The following RAB3GAP1 variants were observed in gnomAD, a reference collection of about 807,000 sequenced individuals.
The protein encoded by RAB3GAP1 is RAB3 GTPase activating protein catalytic subunit 1.
RAB3GAP1 carries 86 observed loss-of-function variants against 130.7 expected under a neutral mutation model. That is an observed-to-expected ratio of 0.66 (90% CI 0.55 to 0.79). The LOEUF (loss-of-function observed/expected upper bound fraction) is 0.79. Among genes scored for constraint, RAB3GAP1 ranks in the 30% least tolerant of loss-of-function variants. RAB3GAP1 has a pLI of 0.00. For missense variants in RAB3GAP1, 1,029 were observed against 1,169.4 expected (o/e 0.88, Z 1.75); for synonymous variants, 367 against 401.7 (o/e 0.91, Z 1.03).
chr2:135,152,432 G>A (rs1692202816), intron 18 of RAB3GAP1, among the ~76,000 whole-genome samples: 1 of 152,242 alleles, frequency 6.6e-6, no homozygotes, highest in Non-Finnish European at 1.5e-5. Flanking sequence ...AATCTATAGT[G>A]TATGAGTGAA....
chr2:135,061,366 T>A (rs899751508), intron 3 of RAB3GAP1, among the ~76,000 whole-genome samples: 4 of 152,220 alleles, frequency 2.6e-5, no homozygotes, highest in African/African-American at 9.6e-5. Context: ...TAGAGCTTTT[T>A]GTACTGTTTT....
intron 11 of RAB3GAP1, among the ~76,000 whole-genome samples, chr2:135,127,980 TTA>T (rs1209386190): frequency 6.6e-6 from 1 of 152,198 alleles, no homozygotes. Context: ...CTCCTTTTCT[TTA>T]TGTTCATCCA....
chr2:135,169,505 G>A lies in RAB3GAP1; in HGVS notation c.*724G>A, dbSNP rs1692780412. On this transcript the variant is annotated 3_prime_UTR_variant, in exon 24 of 24. Transcript: ENST00000264158. ...ACTTATTTTTCTTTTGGTTGCCATG[G>A]AAGTTATGGCCCTGAAAATCGTCTC... 4 of 180,540 alleles carry A rather than the reference G, an allele frequency of 2.2e-5. No homozygotes were observed. The highest frequency in any genetic ancestry group is 9.6e-5 in the African/African-American group (4 of 41,774). The allele number at this position is 180,540 out of a possible 1,614,324, so 11.2% of individuals were successfully genotyped here.
intron 19 of RAB3GAP1, 59 bp downstream of exon 19, chr2:135,153,935 A>T: frequency 6.7e-7 from 1 of 1,502,798 alleles, no homozygotes; most frequent in Non-Finnish European, 9.2e-7. Context: ...ATGATTTAGG[A>T]ACTCACTGTC....
Position 135,091,198 on chromosome 2 carries a change from A to G in RAB3GAP1, c.283+68A>G, listed in dbSNP as rs1690132943. 3.5e-6 allele frequency: 5 copies of G among 1,421,022 alleles called. No individual in the cohort carries two copies. In the Admixed American group the frequency reaches 9.0e-5, roughly 26 times the overall value. The allele number at this position is 1,421,022 out of a possible 1,614,324, so 88.0% of individuals were successfully genotyped here. Reference sequence around the variant, plus strand: ...GAGTGGCTGTAATTTTGAATTATTAATTTAGTGTTCTTCCATAGTGTCAGT... The same window carrying G: ...GAGTGGCTGTAATTTTGAATTATTAGTTTAGTGTTCTTCCATAGTGTCAGT... On this transcript the variant is annotated intron_variant, in intron 4 of 23. Transcript: ENST00000264158.
chr2:135,109,594 T>C lies in RAB3GAP1; in HGVS notation c.363-3557T>C, dbSNP rs868567893. On this transcript the variant is annotated intron_variant, in intron 5 of 23. Transcript: ENST00000264158. ...AAAAATTTTTTTTTTTTTTAATTTT[T>C]TATTAAGAGACAGGGCCTTGCTCTG... 2.6e-5 allele frequency among the ~76,000 whole-genome samples: 4 copies of C among 152,040 alleles called. No homozygotes were observed. In the South Asian group the frequency reaches 8.3e-4, roughly 32 times the overall value.
chr2:135,117,717 T>TCTG (rs201380282), intron 7 of RAB3GAP1, among the ~76,000 whole-genome samples: 12 of 145,470 alleles, frequency 8.2e-5, no homozygotes, highest in East Asian at 8.0e-4. Context: ...TTCTGCTTCT[T>TCTG]CTTCTGCTTC....
intron 17 of RAB3GAP1, among the ~76,000 whole-genome samples, chr2:135,143,881 T>G (rs1691919288): frequency 1.3e-5 from 2 of 152,244 alleles, no homozygotes; most frequent in African/African-American, 4.8e-5. Flanking sequence ...GTCTCCTTAA[T>G]TTGGGACTCA....
rs751455975 is a variant in RAB3GAP1, at chr2:135,130,687, C to T, written c.1202C>T (p.Pro401Leu). The T allele has an allele frequency of 1.3e-5, 21 of 1,613,502 alleles. No individual in the cohort carries two copies. Among genetic ancestry groups the T allele is most frequent in the South Asian group, 4.4e-5 (4 of 91,062 alleles). ...IRKHRGVEES[P>L]LNNDVLNTIL... Reference sequence around the variant, plus strand: ...AAACACAGAGGTGTAGAGGAGTCACCGCTAAATAATGATGTTCTTAATACT... The same window carrying T: ...AAACACAGAGGTGTAGAGGAGTCACTGCTAAATAATGATGTTCTTAATACT... The change falls in exon 13 of 24, where the codon CCG becomes CTG. Residue 401 changes from proline (P) to leucine (L), a missense_variant. By Grantham distance (98) the Pro-to-Leu change is moderately conservative (BLOSUM62 -3). This residue lies in a region of RAB3GAP1 where 510 missense variants were observed against 532.1 expected (regional missense o/e 0.96). Transcript: ENST00000264158.
At chr2:135,093,535 ATG>A in intron 4 of RAB3GAP1, 78 bp from the exon 5 acceptor site, 1 of 1,025,454 alleles carries the variant, frequency 9.8e-7, no homozygotes, top group Admixed American at 1.7e-5. Flanking sequence ...CTAGCAAGAC[ATG>A]TGTTTCCTCA....
chr2:135,103,728 G>A (rs556264889), intron 5 of RAB3GAP1, among the ~76,000 whole-genome samples: 7 of 152,076 alleles, frequency 4.6e-5, no homozygotes, highest in Non-Finnish European at 1.0e-4. Context: ...CTTTGTTGGC[G>A]GGGGAGGGAA....
At chr2:135,138,209 G>A (rs758596933) in intron 17 of RAB3GAP1, among the ~76,000 whole-genome samples, 2 of 151,354 alleles carry the variant, frequency 1.3e-5, no homozygotes, top group African/African-American at 4.9e-5. Flanking sequence ...TTGGGAGGCC[G>A]AGGTGGGGTT....
chr2:135,147,715 C>T (rs1324480767), intron 17 of RAB3GAP1, among the ~76,000 whole-genome samples: 5 of 150,312 alleles, frequency 3.3e-5, no homozygotes, highest in South Asian at 2.2e-4. Context: ...CAGGCTCAAG[C>T]GGTCCTCCCA....
chr2:135,068,467 AAG>A (rs1689383437), intron 3 of RAB3GAP1, among the ~76,000 whole-genome samples: 1 of 151,934 alleles, frequency 6.6e-6, no homozygotes, highest in African/African-American at 2.4e-5. Context: ...AAAAAAAAAA[AAG>A]AGGCTGGGCG....
intron 5 of RAB3GAP1, among the ~76,000 whole-genome samples, chr2:135,107,390 A>G (rs1305879575): frequency 1.3e-5 from 2 of 151,936 alleles, no homozygotes; most frequent in Non-Finnish European, 2.9e-5. Context: ...TAACATATGT[A>G]ATATGTAATA....
At chr2:135,105,765 G>A (rs961665147) in intron 5 of RAB3GAP1, among the ~76,000 whole-genome samples, 2 of 151,742 alleles carry the variant, frequency 1.3e-5, no homozygotes, top group African/African-American at 2.4e-5. Flanking sequence ...CTTCCCAGCC[G>A]CCATCCTGTC....
At chr2:135,089,248 A>G (rs932697082) in intron 3 of RAB3GAP1, among the ~76,000 whole-genome samples, 1 of 152,010 alleles carries the variant, frequency 6.6e-6, no homozygotes, top group Non-Finnish European at 1.5e-5. Flanking sequence ...CCCTTGGTCT[A>G]TATATCTGTT....
intron 3 of RAB3GAP1, among the ~76,000 whole-genome samples, chr2:135,086,133 A>G (rs2104867285): frequency 6.6e-6 from 1 of 152,150 alleles, no homozygotes; most frequent in Non-Finnish European, 1.5e-5. Flanking sequence ...CCTTTCTCCT[A>G]TTGGTGGGCA....
At chr2:135,126,560 A>G (rs1350868293) in intron 10 of RAB3GAP1, 23 bp from the exon 11 acceptor site, 4 of 1,579,252 alleles carry the variant, frequency 2.5e-6, no homozygotes, top group South Asian at 1.1e-5. Context: ...TTAGGATTTT[A>G]TATTTATTGG....
Sources: allele counts gnomAD v4.1 joint callset (sites outside exome capture counted in the v4.1 genomes callset), GRCh38; gene constraint gnomAD v4.1.1; regional missense constraint gnomAD v4.1.1; transcripts MANE v1.5; gene names NCBI Gene and HGNC (gene_info 2026-07-23, HGNC 2026-07-21).